The following RPA2 variants were observed in gnomAD, a reference collection of about 807,000 sequenced individuals.
The protein encoded by RPA2 is replication protein A 32 kDa subunit.
Under a neutral mutation model 33.4 loss-of-function variants are expected in RPA2, and 22 were observed. That is an observed-to-expected ratio of 0.66 (90% CI 0.47 to 0.94). The LOEUF (loss-of-function observed/expected upper bound fraction) is 0.94. Ranked by LOEUF, RPA2 falls within the 40% of genes least tolerant of loss-of-function variation. RPA2 has a pLI of 0.00. For missense variants in RPA2, 279 were observed against 329.9 expected (o/e 0.85, Z 1.19); for synonymous variants, 109 against 114.9 (o/e 0.95, Z 0.33).
intron 2 of RPA2, among the ~76,000 whole-genome samples, chr1:27,913,480 CGGGACGCTGAAGCAG>C (rs989847625): frequency 6.0e-5 from 9 of 150,570 alleles, no homozygotes; most frequent in Non-Finnish European, 1.3e-4. Flanking sequence ...CCCAGCTACT[CGGGACGCTGAAGCAG>C]GAGAATCGCT....
At chr1:27,914,338 C>G (rs1302471231) in intron 1 of RPA2, 96 bp downstream of exon 1, 1 of 1,613,796 alleles carries the variant, frequency 6.2e-7, no homozygotes, top group Admixed American at 1.7e-5. Flanking sequence ...CGCCCTTCCT[C>G]TCCCGCTACC....
At chr1:27,898,766 C>T (rs1041003927) in intron 4 of RPA2, among the ~76,000 whole-genome samples, 1 of 151,886 alleles carries the variant, frequency 6.6e-6, no homozygotes, top group Non-Finnish European at 1.5e-5. Flanking sequence ...CCCATGTTGG[C>T]CAGGATGGTC....
Position 27,914,510 on chromosome 1 carries a change from G to C in RPA2, c.-67C>G, listed in dbSNP as rs2090145300. 2.5e-6 allele frequency: 4 copies of C among 1,596,452 alleles called. No individual in the cohort carries two copies. The highest frequency in any genetic ancestry group is 4.5e-5 in the East Asian group (2 of 44,812). On this transcript the variant is annotated 5_prime_UTR_variant, in exon 1 of 9. Transcript: ENST00000373912. The stretch of plus-strand genomic sequence containing the variant: ...TCTGGGGGAATAGCGGAAAACCACA[G>C]AACGCGGCCGCCACTGCGCCGCTCT...
chr1:27,912,605 G>GT (rs1385623437), intron 2 of RPA2, among the ~76,000 whole-genome samples: 1 of 152,056 alleles, frequency 6.6e-6, no homozygotes, highest in Non-Finnish European at 1.5e-5. Flanking sequence ...TCTATAGATT[G>GT]TTTTCCTACA....
chr1:27,894,115 T>A lies in RPA2; in HGVS notation c.634-9A>T, dbSNP rs1406410650. 1.9e-6 allele frequency: 3 copies of A among 1,611,484 alleles called. No individual in the cohort carries two copies. In the African/African-American group the frequency reaches 4.0e-5, roughly 22 times the overall value. ...TTAATCAAATTCAACACCTGAAGAT[T>A]CAAATCAGAAAGATTTTAGCAATTA... On this transcript the variant is annotated splice_polypyrimidine_tract_variant and intron_variant, in intron 7 of 8. Coordinates refer to ENST00000373912, the MANE Select transcript of RPA2 (RefSeq NM_002946.5).
chr1:27,895,721 ACT>A (rs1386884120), intron 6 of RPA2, among the ~76,000 whole-genome samples: 3 of 152,128 alleles, frequency 2.0e-5, no homozygotes, highest in Admixed American at 6.5e-5. Flanking sequence ...AAAGAGCGAG[ACT>A]CTGTCTCAAA....
At chr1:27,892,290 T>G (rs757019272) in intron 8 of RPA2, 43 bp from the exon 9 acceptor site, 1 of 1,549,940 alleles carries the variant, frequency 6.5e-7, no homozygotes, top group Non-Finnish European at 8.9e-7. Context: ...TTCAGGCCAA[T>G]TCAGAAGGAA....
At chr1:27,893,710 C>G (rs893350505) in intron 8 of RPA2, among the ~76,000 whole-genome samples, 3 of 151,972 alleles carry the variant, frequency 2.0e-5, no homozygotes, top group African/African-American at 7.3e-5. Flanking sequence ...TGGATTCATG[C>G]GATTCTCTTG....
Position 27,894,382 on chromosome 1 carries a change from C to T in RPA2, c.541G>A (p.Ala181Thr), listed in dbSNP as rs766191837. The change falls in exon 7 of 9, where the codon GCA becomes ACA. Residue 181 changes from alanine to threonine, a missense_variant. Coordinates refer to ENST00000373912, the MANE Select transcript of RPA2 (RefSeq NM_002946.5). ...CTCATTCCTGGATTGCTGATAGGTG[C>T]TCTCCCTGCTGAGGGCTGAATTAAG... ...KANSQPSAGR[A>T]PISNPGMSEA... is the part of the protein sequence containing the mutation. 6.2e-7 allele frequency: 1 copy of T among 1,613,540 alleles called. No individual in the cohort carries two copies. Among genetic ancestry groups the T allele is most frequent in the Non-Finnish European group, 8.5e-7 (1 of 1,179,918 alleles).
chr1:27,907,071 A>G, intron 3 of RPA2, 30 bp from the exon 4 acceptor site: 1 of 1,578,304 alleles, frequency 6.3e-7, no homozygotes, highest in Non-Finnish European at 8.6e-7. Flanking sequence ...GAAAAAAAAA[A>G]AAGGTCTGGT....
chr1:27,914,071 T>C lies in RPA2; in HGVS notation c.109A>G (p.Lys37Glu), dbSNP rs1193999593. Residue 37 changes from lysine to glutamate, a missense_variant, in exon 2 of 9, where the codon AAG (lysine) becomes GAG (glutamate). Lys to Glu is a moderately conservative substitution (Grantham distance 56). This residue lies in a region of RPA2 where 274 missense variants were observed against 310.3 expected (regional missense o/e 0.88). Transcript: ENST00000373912. ...TACTCCTTTCAACCTACTGATTTCTTTTCGGCTTGAGAAGGTGCGGGCGAT... is the reference window on the plus strand; with the variant it reads ...TACTCCTTTCAACCTACTGATTTCTCTTCGGCTTGAGAAGGTGCGGGCGAT... ...FGSPAPSQAEKKSRARAQHIV... is the reference protein window; with the variant it reads ...FGSPAPSQAEEKSRARAQHIV... The C allele has an allele frequency of 6.3e-7, 1 of 1,593,504 alleles. No individual in the cohort carries two copies. The highest frequency in any genetic ancestry group is 8.5e-7 in the Non-Finnish European group (1 of 1,170,430).
intron 4 of RPA2, among the ~76,000 whole-genome samples, chr1:27,902,792 C>G (rs1398574235): frequency 4.0e-5 from 6 of 151,766 alleles, no homozygotes; most frequent in African/African-American, 1.5e-4. Context: ...TGGAAACTAA[C>G]TGGGCACTCT....
At chr1:27,899,227 G>T (rs1469414470) in intron 4 of RPA2, among the ~76,000 whole-genome samples, 7 of 151,456 alleles carry the variant, frequency 4.6e-5, no homozygotes, top group Admixed American at 1.3e-4. Context: ...ACAAAAAAAA[G>T]GGTGGGCACA....
At chr1:27,901,353 T>A (rs904205587) in intron 4 of RPA2, among the ~76,000 whole-genome samples, 2 of 152,034 alleles carry the variant, frequency 1.3e-5, no homozygotes, top group Admixed American at 1.3e-4. Context: ...TTGTTAGCCA[T>A]AAAGTTTTTT....
intron 4 of RPA2, among the ~76,000 whole-genome samples, chr1:27,904,467 G>C (rs2090004031): frequency 6.6e-6 from 1 of 152,110 alleles, no homozygotes; most frequent in Non-Finnish European, 1.5e-5. Flanking sequence ...TGATGGCAGG[G>C]ACTGTGTCTA....
chr1:27,893,453 G>A (rs1040050241), intron 8 of RPA2, among the ~76,000 whole-genome samples: 9 of 151,996 alleles, frequency 5.9e-5, no homozygotes, highest in Admixed American at 5.9e-4. Flanking sequence ...CTACAGACAT[G>A]CGCCACTGTG....
chr1:27,895,550 C>T (rs1375722999), intron 6 of RPA2, among the ~76,000 whole-genome samples: 1 of 151,784 alleles, frequency 6.6e-6, no homozygotes, highest in Non-Finnish European at 1.5e-5. Flanking sequence ...CCCTTCTCTA[C>T]TAAAAATACA....
At chr1:27,901,485 C>A (rs1447148531) in intron 4 of RPA2, among the ~76,000 whole-genome samples, 1 of 151,954 alleles carries the variant, frequency 6.6e-6, no homozygotes, top group Non-Finnish European at 1.5e-5. Flanking sequence ...GCCTCAGCCT[C>A]CCAAGTAGCT....
rs936243998 is a variant in RPA2 at position 27,905,247 on chromosome 1, T to C, written c.333+1681A>G. Among the ~76,000 whole-genome samples the C allele has an allele frequency of 2.0e-5, 3 of 152,334 alleles. 1 individual carries two copies. The highest frequency in any genetic ancestry group is 4.1e-4 in the South Asian group (2 of 4,824). On this transcript the variant is annotated intron_variant, in intron 4 of 8. Coordinates refer to ENST00000373912, the MANE Select transcript of RPA2 (RefSeq NM_002946.5). ...TTTGTAGTATGTTATAAATGTGTCA[T>C]GGTTTACTTAATAATCCTTTATTGC...
Sources: gnomAD v4.1 joint callset for allele counts (sites outside exome capture counted in the v4.1 genomes callset) on GRCh38, gnomAD v4.1.1 for gene constraint, gnomAD v4.1.1 regional missense constraint, MANE v1.5 for transcripts, NCBI Gene and HGNC (gene_info 2026-07-23, HGNC 2026-07-21) for gene names.